RELN: variants seen among roughly 807,000 people sequenced by gnomAD.
The protein encoded by RELN is reelin.
Under a neutral mutation model 427.6 loss-of-function variants are expected in RELN, and 108 were observed. The observed-to-expected ratio is 0.25, with a 90% CI of 0.22 to 0.30. The LOEUF (loss-of-function observed/expected upper bound fraction) is 0.30. Among genes scored for constraint, RELN ranks in the 10% least tolerant of loss-of-function variants. The pLI is 1.00. For synonymous variants in RELN, 1,524 were observed against 1,513.4 expected, an observed-to-expected ratio of 1.01 and a Z score of -0.16; for missense variants, 3,715 against 4,302.8, an observed-to-expected ratio of 0.86 and a Z score of 3.82.
chr7:103,939,824 G>C (rs1208437191), intron 1 of RELN, among the ~76,000 whole-genome samples: 1 of 152,140 alleles, frequency 6.6e-6, no homozygotes, highest in Non-Finnish European at 1.5e-5. Context: ...GTTTGTGAGA[G>C]ATACATACTA....
At chr7:103,646,645 T>C (rs111500353) in intron 16 of RELN, among the ~76,000 whole-genome samples, 333 of 151,708 alleles carry the variant, frequency 2.2e-3, no homozygotes, top group African/African-American at 7.7e-3. Flanking sequence ...TCCCAACAAA[T>C]AAAAGCTCTC....
At chr7:103,754,813 T>C (rs1305642031) in intron 4 of RELN, among the ~76,000 whole-genome samples, 1 of 152,006 alleles carries the variant, frequency 6.6e-6, no homozygotes, top group African/African-American at 2.4e-5. Context: ...AAATGCACAG[T>C]CAAATATATA....
At chr7:103,917,659 AT>A (rs1795516134) in intron 1 of RELN, among the ~76,000 whole-genome samples, 1 of 151,930 alleles carries the variant, frequency 6.6e-6, no homozygotes, top group Admixed American at 6.6e-5. Flanking sequence ...TATTTCAAAG[AT>A]GAGTTCCCTG....
At chr7:103,967,756 T>C (rs1796688389) in intron 1 of RELN, among the ~76,000 whole-genome samples, 1 of 152,324 alleles carries the variant, frequency 6.6e-6, no homozygotes, top group Middle Eastern at 3.4e-3. Flanking sequence ...CAAGTCTCTA[T>C]AGGTACACCT....
chr7:103,704,861 T>C (rs1363143879), intron 8 of RELN, among the ~76,000 whole-genome samples: 2 of 152,164 alleles, frequency 1.3e-5, no homozygotes, highest in African/African-American at 4.8e-5. Context: ...AGCACTCAGT[T>C]GAAACCACTC....
chr7:103,893,879 T>A (rs1794903551), intron 2 of RELN, among the ~76,000 whole-genome samples: 1 of 152,128 alleles, frequency 6.6e-6, no homozygotes, highest in African/African-American at 2.4e-5. Flanking sequence ...CTTGGTTAAG[T>A]GATTCCCCAT....
At chr7:103,871,665 C>T (rs1794337405) in intron 2 of RELN, among the ~76,000 whole-genome samples, 1 of 152,036 alleles carries the variant, frequency 6.6e-6, no homozygotes, top group Non-Finnish European at 1.5e-5. Flanking sequence ...AGCAAAGGGT[C>T]ACAGACAACT....
At chr7:103,885,255 C>A (rs186818281) in intron 2 of RELN, among the ~76,000 whole-genome samples, 3 of 151,858 alleles carry the variant, frequency 2.0e-5, no homozygotes, top group African/African-American at 7.2e-5. Context: ...AGGAGAATGG[C>A]GTGAACCCAG....
intron 2 of RELN, among the ~76,000 whole-genome samples, 196 bp downstream of exon 2, chr7:103,916,879 A>G (rs1163735816): frequency 1.3e-5 from 2 of 152,160 alleles, no homozygotes; most frequent in African/African-American, 4.8e-5. Flanking sequence ...TCATGCCAAG[A>G]TCAAGGTTAG....
chr7:103,749,336 C>T, intron 6 of RELN, 90 bp downstream of exon 6: 1 of 1,028,458 alleles, frequency 9.7e-7, no homozygotes. Flanking sequence ...TAAAGATCAA[C>T]TTAATTTTAA....
At chr7:103,794,113 T>A (rs1290691676) in intron 3 of RELN, among the ~76,000 whole-genome samples, 1 of 152,254 alleles carries the variant, frequency 6.6e-6, no homozygotes, top group East Asian at 1.9e-4. Context: ...TTTTTTTTAA[T>A]TTTAAGGGTA....
chr7:103,780,202 C>T (rs1025824937), intron 3 of RELN, among the ~76,000 whole-genome samples: 6 of 152,214 alleles, frequency 3.9e-5, no homozygotes, highest in Non-Finnish European at 8.8e-5. Context: ...CCATTTCTCT[C>T]TCTCAACCCC....
chr7:103,545,617 G>A (rs1830276752), intron 41 of RELN, among the ~76,000 whole-genome samples: 1 of 151,874 alleles, frequency 6.6e-6, no homozygotes, highest in Admixed American at 6.6e-5. Flanking sequence ...CTTCCTTGGT[G>A]AAGACTTCTC....
chr7:103,487,328 A>C (rs548305796), intron 60 of RELN, among the ~76,000 whole-genome samples: 1 of 152,118 alleles, frequency 6.6e-6, no homozygotes, highest in South Asian at 2.1e-4. Flanking sequence ...TGGGTGCAGC[A>C]AACCACCCTG....
chr7:103,644,375 G>A (rs1325282379), intron 16 of RELN, among the ~76,000 whole-genome samples: 7 of 147,456 alleles, frequency 4.7e-5, no homozygotes, highest in Admixed American at 3.4e-4. Context: ...TTCAGGATAT[G>A]AATGACAAAT....
chr7:103,672,987 C>A (rs561896360), intron 11 of RELN, among the ~76,000 whole-genome samples: 3 of 151,940 alleles, frequency 2.0e-5, no homozygotes, highest in Non-Finnish European at 2.9e-5. Flanking sequence ...TATATTAGTT[C>A]CTCTTTGACT....
chr7:103,927,848 T>C (rs757992982), intron 1 of RELN, among the ~76,000 whole-genome samples: 106 of 152,220 alleles, frequency 7.0e-4, no homozygotes, highest in Non-Finnish European at 1.2e-3. Flanking sequence ...CCTAGGAGTT[T>C]AGGAAAAAGT....
chr7:103,570,538 T>C (rs1319568969), intron 31 of RELN, among the ~76,000 whole-genome samples: 1 of 152,236 alleles, frequency 6.6e-6, no homozygotes, highest in Admixed American at 6.5e-5. Context: ...CTTTTCTTGA[T>C]TGCTTACTAT....
At chr7:103,702,127 A>G (rs575332717) in intron 8 of RELN, among the ~76,000 whole-genome samples, 1 of 152,370 alleles carries the variant, frequency 6.6e-6, no homozygotes, top group East Asian at 1.9e-4. Context: ...CTACTGAGCA[A>G]CCCTGATCTC....
Sources: gnomAD v4.1 joint callset for allele counts (sites outside exome capture counted in the v4.1 genomes callset) on GRCh38, gnomAD v4.1.1 for gene constraint, MANE v1.5 for transcripts, NCBI Gene and HGNC (gene_info 2026-07-23, HGNC 2026-07-21) for gene names.